EHD4: variants seen among roughly 807,000 people sequenced by gnomAD.
EHD4 encodes the protein EH domain containing 4.
Under a neutral mutation model 51.0 loss-of-function variants are expected in EHD4, and 37 were observed. The observed-to-expected ratio is 0.73, with a 90% CI of 0.56 to 0.95. The LOEUF (loss-of-function observed/expected upper bound fraction) is 0.95. EHD4 is among the 40% of genes least tolerant of loss of function. The pLI, the probability that EHD4 is intolerant of heterozygous loss-of-function variation, is 0.00. For missense variants in EHD4, 632 were observed against 733.1 expected, an observed-to-expected ratio of 0.86 and a Z score of 1.59; for synonymous variants, 297 against 317.3, an observed-to-expected ratio of 0.94 and a Z score of 0.68.
At chr15:41,947,766 T>C (rs1267514847) in intron 2 of EHD4, among the ~76,000 whole-genome samples, 1 of 152,182 alleles carries the variant, frequency 6.6e-6, no homozygotes, top group Non-Finnish European at 1.5e-5. Flanking sequence ...TAATTACCAC[T>C]TTTAAAGGTT....
rs528582963 is a variant in EHD4 at position 41,924,016 on chromosome 15, G to GT, written c.512-4395dup. Among the ~76,000 whole-genome samples, 182 of 152,296 alleles carry GT rather than the reference G, an allele frequency of 1.2e-3. 1 individual carries two copies. The highest frequency in any genetic ancestry group is 4.2e-3 in the African/African-American group (174 of 41,546). On this transcript the variant is annotated intron_variant, in intron 3 of 5. Coordinates refer to ENST00000220325, the MANE Select transcript of EHD4 (RefSeq NM_139265.4). ...AGACATTACTTAACGTTAAGCTCCA[G>GT]TTTTTTTCACCTGTAAGATCGGGTT...
Position 41,901,058 on chromosome 15 carries a change from TCTC to T in EHD4, c.1210_1212del (p.Glu404del). 1 of 1,612,962 alleles carries T rather than the reference TCTC, an allele frequency of 6.2e-7. No individual in the cohort carries two copies. Among genetic ancestry groups the T allele is most frequent in the Non-Finnish European group, 8.5e-7 (1 of 1,179,440 alleles). The stretch of plus-strand genomic sequence containing the variant: ...TGCACCAGCTGCGTGGGCGTGCTCG[TCTC>T]CTCCTGGCTGATGAGGTTCATGAGG... On this transcript the variant is annotated inframe_deletion, in exon 6 of 6. Coordinates refer to ENST00000220325, the MANE Select transcript of EHD4 (RefSeq NM_139265.4).
chr15:41,905,491 T>C lies in EHD4; in HGVS notation c.1089+4208A>G, dbSNP rs564511305. Among the ~76,000 whole-genome samples the C allele has an allele frequency of 2.6e-5, 4 of 152,260 alleles. No homozygotes were observed. In the East Asian group the frequency reaches 7.7e-4, roughly 29 times the overall value. ...CTCACCACGTCCTAGATGCTGGGGA[T>C]ATGGCAGTGAACAGGGCATGGGTCA... is the stretch of plus-strand genomic sequence containing the variant. On this transcript the variant is annotated intron_variant, in intron 5 of 5. Coordinates refer to ENST00000220325, the MANE Select transcript of EHD4 (RefSeq NM_139265.4).
intron 3 of EHD4, among the ~76,000 whole-genome samples, chr15:41,926,321 C>T (rs1270195333): frequency 6.6e-6 from 1 of 152,162 alleles, no homozygotes; most frequent in Admixed American, 6.5e-5. Context: ...GGCCACTTGC[C>T]CGTGGTGGTG....
Position 41,935,427 on chromosome 15 carries a change from T to C in EHD4, c.511+7640A>G, listed in dbSNP as rs567283887. Among the ~76,000 whole-genome samples the C allele has an allele frequency of 2.0e-5, 3 of 152,246 alleles. No homozygotes were observed. In the South Asian group the frequency reaches 6.2e-4, roughly 32 times the overall value. ...AGCAGAGTGGGGTGCACAGCAGACATTCAACATAAGAAAACCTCTTTCCCC... is the reference window on the plus strand; with the variant it reads ...AGCAGAGTGGGGTGCACAGCAGACACTCAACATAAGAAAACCTCTTTCCCC... On this transcript the variant is annotated intron_variant, in intron 3 of 5. Coordinates refer to ENST00000220325, the MANE Select transcript of EHD4 (RefSeq NM_139265.4).
intron 1 of EHD4, among the ~76,000 whole-genome samples, chr15:41,964,465 T>C (rs2067948670): frequency 6.6e-6 from 1 of 150,854 alleles, no homozygotes; most frequent in African/African-American, 2.4e-5. Flanking sequence ...TGGCTGGGTG[T>C]GGTGGTGCAA....
chr15:41,926,429 A>G (rs2067661850), intron 3 of EHD4, among the ~76,000 whole-genome samples: 1 of 152,018 alleles, frequency 6.6e-6, no homozygotes, highest in African/African-American at 2.4e-5. Flanking sequence ...GGGCATTCCT[A>G]CCACTGCCCC....
intron 2 of EHD4, among the ~76,000 whole-genome samples, chr15:41,953,162 A>T (rs1336647648): frequency 6.6e-6 from 1 of 152,074 alleles, no homozygotes; most frequent in African/African-American, 2.4e-5. Context: ...TTCTGGAGTC[A>T]GTGGGTAAAA....
chr15:41,945,835 C>T (rs2067808475), intron 2 of EHD4, among the ~76,000 whole-genome samples: 1 of 152,200 alleles, frequency 6.6e-6, no homozygotes, highest in African/African-American at 2.4e-5. Flanking sequence ...GTAGTCGTAG[C>T]CCAGTAGTGA....
At chr15:41,951,539 G>C (rs761871234) in intron 2 of EHD4, among the ~76,000 whole-genome samples, 2 of 151,896 alleles carry the variant, frequency 1.3e-5, no homozygotes, top group Admixed American at 6.6e-5. Context: ...CACTCTTCCT[G>C]GTTTCTCCCT....
At chr15:41,954,375 G>T (rs2067872953) in intron 1 of EHD4, among the ~76,000 whole-genome samples, 1 of 152,178 alleles carries the variant, frequency 6.6e-6, no homozygotes, top group Non-Finnish European at 1.5e-5. Flanking sequence ...AAGCCTTGAA[G>T]GGGCTCAAGG....
At chr15:41,940,924 GC>G (rs1304458702) in intron 3 of EHD4, among the ~76,000 whole-genome samples, 1 of 152,088 alleles carries the variant, frequency 6.6e-6, no homozygotes, top group African/African-American at 2.4e-5. Flanking sequence ...AAATCCGGAG[GC>G]CTTAAAATTT....
At chr15:41,913,701 G>A (rs1271466950) in intron 4 of EHD4, among the ~76,000 whole-genome samples, 1 of 152,134 alleles carries the variant, frequency 6.6e-6, no homozygotes, top group Non-Finnish European at 1.5e-5. Context: ...GAGGGCTCCC[G>A]GCTGGTTACT....
At chr15:41,903,330 A>AAAG (rs1491207774) in intron 5 of EHD4, among the ~76,000 whole-genome samples, 1 of 2,438 alleles carries the variant, frequency 4.1e-4, no homozygotes, top group African/African-American at 4.4e-4. Context: ...GCTTTCTTGT[A>AAAG]AAAAAAAAAA....
intron 5 of EHD4, among the ~76,000 whole-genome samples, chr15:41,906,848 ACTTGCTTGCTCACCCAC>A (rs1192135857): frequency 3.2e-4 from 48 of 152,252 alleles, no homozygotes; most frequent in Admixed American, 1.2e-3. Context: ...TGGATCCTGC[ACTTGCTTGCTCACCCAC>A]CTTCCGTGGT....
At chr15:41,914,878 T>C (rs2067573542) in intron 4 of EHD4, among the ~76,000 whole-genome samples, 2 of 151,896 alleles carry the variant, frequency 1.3e-5, no homozygotes, top group Admixed American at 1.3e-4. Context: ...CTCCAACTCT[T>C]GGGTTCAAGT....
At chr15:41,912,345 G>A (rs1023741404) in intron 4 of EHD4, among the ~76,000 whole-genome samples, 2 of 152,200 alleles carry the variant, frequency 1.3e-5, no homozygotes, top group Admixed American at 6.5e-5. Context: ...GCCCTTCCTG[G>A]TGCGCCCTAA....
chr15:41,936,125 C>A (rs544319130), intron 3 of EHD4, among the ~76,000 whole-genome samples: 4 of 152,140 alleles, frequency 2.6e-5, no homozygotes, highest in Non-Finnish European at 5.9e-5. Context: ...TATGACCTAG[C>A]CTTAGGAAAT....
chr15:41,935,362 T>C (rs753324559), intron 3 of EHD4, among the ~76,000 whole-genome samples: 3 of 152,160 alleles, frequency 2.0e-5, no homozygotes, highest in African/African-American at 4.8e-5. Context: ...ACCTGGCACC[T>C]GACACATAGT....
Sources: allele counts gnomAD v4.1 joint callset (sites outside exome capture counted in the v4.1 genomes callset), GRCh38; gene constraint gnomAD v4.1.1; transcripts MANE v1.5; gene names NCBI Gene and HGNC (gene_info 2026-07-23, HGNC 2026-07-21).